The following KIAA0232 variants were observed in gnomAD, a reference collection of about 807,000 sequenced individuals.
KIAA0232 encodes uncharacterized protein KIAA0232.
A neutral mutation model predicts 122.0 loss-of-function variants in KIAA0232; 27 were observed. The observed-to-expected ratio is 0.22, with a 90% CI of 0.16 to 0.31. KIAA0232 has a LOEUF of 0.31. Ranked by LOEUF, KIAA0232 falls within the 10% of genes least tolerant of loss-of-function variation. KIAA0232 has a pLI of 1.00. For missense variants in KIAA0232, 1,551 were observed against 1,634.2 expected (o/e 0.95, Z 0.88); for synonymous variants, 613 against 587.6 (o/e 1.04, Z -0.63).
At chr4:6,850,328 C>T (rs564416686) in intron 4 of KIAA0232, among the ~76,000 whole-genome samples, 2 of 152,292 alleles carry the variant, frequency 1.3e-5, no homozygotes, top group Non-Finnish European at 1.5e-5. Context: ...TCCTGGTCAT[C>T]CCTCTCAGGT....
At chr4:6,789,853 CCT>C (rs1201797191) in intron 1 of KIAA0232, among the ~76,000 whole-genome samples, 1 of 151,930 alleles carries the variant, frequency 6.6e-6, no homozygotes, top group South Asian at 2.1e-4. Flanking sequence ...ATGGTGAAAC[CCT>C]GTTTCTACAA....
At chr4:6,870,341 C>G (rs1178191900) in intron 7 of KIAA0232, among the ~76,000 whole-genome samples, 1 of 152,220 alleles carries the variant, frequency 6.6e-6, no homozygotes, top group African/African-American at 2.4e-5. Flanking sequence ...ATATGAGTCT[C>G]TCCCGCTCTC....
At chr4:6,801,713 T>C (rs545047714) in intron 1 of KIAA0232, among the ~76,000 whole-genome samples, 3 of 152,060 alleles carry the variant, frequency 2.0e-5, no homozygotes, top group South Asian at 2.1e-4. Context: ...TTAAGTGGCT[T>C]ACAGTGCTTA....
intron 3 of KIAA0232, among the ~76,000 whole-genome samples, chr4:6,826,283 A>G (rs542564877): frequency 6.6e-6 from 1 of 152,318 alleles, no homozygotes; most frequent in African/African-American, 2.4e-5. Context: ...TAACCTAATA[A>G]TCAGCAAATG....
intron 1 of KIAA0232, among the ~76,000 whole-genome samples, chr4:6,799,239 G>T (rs1717269385): frequency 6.6e-6 from 1 of 150,552 alleles, no homozygotes. Flanking sequence ...CTTCTTATAA[G>T]GACATCAGAT....
Position 6,829,774 on chromosome 4 carries a change from G to A in KIAA0232, c.231+5090G>A, listed in dbSNP as rs533453173. Among the ~76,000 whole-genome samples, 83 of 152,304 alleles carry A rather than the reference G, an allele frequency of 5.4e-4. 1 individual carries two copies. In the South Asian group the frequency reaches 0.011, roughly 20 times the overall value. On this transcript the variant is annotated intron_variant, in intron 3 of 9. Transcript: ENST00000307659. Reference sequence around the variant, plus strand: ...AAAAATGACTAAAAGGAGAACTTCAGTAACATTATAACTTAAAATGGGAGT... The same window carrying A: ...AAAAATGACTAAAAGGAGAACTTCAATAACATTATAACTTAAAATGGGAGT...
At chr4:6,816,979 CTCTT>C (rs1718160995) in intron 2 of KIAA0232, among the ~76,000 whole-genome samples, 1 of 152,146 alleles carries the variant, frequency 6.6e-6, no homozygotes. Context: ...TATGTCTTCT[CTCTT>C]TCCTGATCAG....
In KIAA0232 at chr4:6,782,793, G is replaced by C. The variant is rs1168784872; in HGVS notation, c.-402G>C. 2 of 148,922 alleles carry C rather than the reference G, an allele frequency of 1.3e-5. No homozygotes were observed. The highest frequency in any genetic ancestry group is 2.4e-5 in the African/African-American group (1 of 41,146). 9.2% of individuals were successfully genotyped at this position (148,922 alleles called of 1,614,324 possible). ...AGCCGCCCGCAGCCCCTCGGAGCCA[G>C]AGGAGAGGCGCCCCCGCCGGCCGCC... On this transcript the variant is annotated 5_prime_UTR_variant, in exon 1 of 10. Coordinates refer to ENST00000307659, the MANE Select transcript of KIAA0232 (RefSeq NM_014743.3).
intron 4 of KIAA0232, among the ~76,000 whole-genome samples, chr4:6,856,948 T>A (rs1720599444): frequency 6.6e-6 from 1 of 152,206 alleles, no homozygotes; most frequent in Admixed American, 6.5e-5. Context: ...TATCACTAAG[T>A]TTCATTTAAT....
chr4:6,857,749 T>C (rs1720638260), intron 5 of KIAA0232, among the ~76,000 whole-genome samples: 1 of 152,250 alleles, frequency 6.6e-6, no homozygotes, highest in African/African-American at 2.4e-5. Flanking sequence ...GTTATTTCGA[T>C]ATATGAATCC....
intron 3 of KIAA0232, among the ~76,000 whole-genome samples, chr4:6,836,410 C>CTAA (rs992992038): frequency 6.6e-6 from 1 of 151,094 alleles, no homozygotes. Context: ...GCTTTGAGTC[C>CTAA]TAACACTTTC....
At chr4:6,859,044 G>A (rs567959296) in intron 6 of KIAA0232, among the ~76,000 whole-genome samples, 1 of 149,890 alleles carries the variant, frequency 6.7e-6, no homozygotes, top group African/African-American at 2.5e-5. Flanking sequence ...GTTGCAGTGA[G>A]CTGAGACTGT....
In KIAA0232 at chr4:6,863,160, C is replaced by T; in HGVS notation, c.2778C>T (p.Asn926=). The T allele has an allele frequency of 6.2e-7, 1 of 1,614,146 alleles. No homozygotes were observed. The highest frequency in any genetic ancestry group is 8.5e-7 in the Non-Finnish European group (1 of 1,180,020). ...KPWDVAQDKE[N]TFILGGVYGE... is the part of the protein sequence containing the mutation. ...GGGATGTAGCCCAAGATAAAGAAAA[C>T]ACATTCATTCTTGGAGGAGTTTATG... is the stretch of plus-strand genomic sequence containing the variant. Residue 926 remains asparagine (N), a synonymous_variant, in exon 7 of 10, where the codon AAC becomes AAT. Transcript: ENST00000307659.
At chr4:6,799,497 A>G (rs1717281138) in intron 1 of KIAA0232, among the ~76,000 whole-genome samples, 1 of 151,850 alleles carries the variant, frequency 6.6e-6, no homozygotes, top group Non-Finnish European at 1.5e-5. Context: ...CATTAAAGCT[A>G]GGTCTGTCAG....
intron 3 of KIAA0232, among the ~76,000 whole-genome samples, chr4:6,838,871 G>A (rs764138908): frequency 1.2e-4 from 18 of 152,002 alleles, no homozygotes; most frequent in South Asian, 4.1e-4. Flanking sequence ...GCTCACGCCT[G>A]TAATCCTAGC....
chr4:6,843,761 C>T (rs1388574275), intron 4 of KIAA0232, among the ~76,000 whole-genome samples: 4 of 151,774 alleles, frequency 2.6e-5, no homozygotes, highest in Admixed American at 2.6e-4. Context: ...CAGAGGGAGA[C>T]TCCATCTCAA....
chr4:6,827,092 A>G (rs1410177678), intron 3 of KIAA0232, among the ~76,000 whole-genome samples: 1 of 152,242 alleles, frequency 6.6e-6, no homozygotes, highest in East Asian at 1.9e-4. Context: ...AGGGAAATAA[A>G]AGGCCCTAAA....
At chr4:6,790,966 T>C (rs1415717725) in intron 1 of KIAA0232, among the ~76,000 whole-genome samples, 1 of 144,906 alleles carries the variant, frequency 6.9e-6, no homozygotes, top group East Asian at 2.1e-4. Flanking sequence ...TCACCCAGGC[T>C]GGAGTCCAGT....
At chr4:6,807,353 TTTAA>T (rs1717686456) in intron 2 of KIAA0232, among the ~76,000 whole-genome samples, 1 of 152,334 alleles carries the variant, frequency 6.6e-6, no homozygotes, top group South Asian at 2.1e-4. Context: ...AATAATTCAT[TTTAA>T]TTGTCACTGG....
Sources: allele counts gnomAD v4.1 joint callset (sites outside exome capture counted in the v4.1 genomes callset), GRCh38; gene constraint gnomAD v4.1.1; transcripts MANE v1.5; gene names NCBI Gene and HGNC (gene_info 2026-07-23, HGNC 2026-07-21).